Variants in CNTNAP2 observed in about 807,000 individuals in gnomAD.
The protein encoded by CNTNAP2 is contactin-associated protein-like 2.
In CNTNAP2, 98 loss-of-function variants were observed where a neutral mutation model predicts 155.2. The observed-to-expected ratio is 0.63, with a 90% confidence interval of 0.54 to 0.75. CNTNAP2 has a LOEUF of 0.75. Among genes scored for constraint, CNTNAP2 ranks in the 30% least tolerant of loss-of-function variants. CNTNAP2 has a pLI of 0.00. For missense variants in CNTNAP2, 1,727 were observed against 1,688.1 expected, an observed-to-expected ratio of 1.02 and a Z score of -0.40; for synonymous variants, 651 against 631.2, an observed-to-expected ratio of 1.03 and a Z score of -0.47.
At chr7:148,403,292 G>A (rs116007770) in intron 22 of CNTNAP2, among the ~76,000 whole-genome samples, 1,765 of 151,818 alleles carry the variant, frequency 0.012, 36 homozygotes, top group African/African-American at 0.04. Flanking sequence ...ATAGGAACAC[G>A]GATGACTACA....
chr7:147,693,125 A>G (rs988057159), intron 13 of CNTNAP2, among the ~76,000 whole-genome samples: 1 of 151,992 alleles, frequency 6.6e-6, no homozygotes. Context: ...TCTTTTCTTC[A>G]TTTTAGTTCC....
intron 3 of CNTNAP2, among the ~76,000 whole-genome samples, chr7:146,896,965 T>C (rs1044740822): frequency 6.6e-6 from 1 of 152,098 alleles, no homozygotes; most frequent in Non-Finnish European, 1.5e-5. Context: ...TAATATATAA[T>C]GTAAGGGCAA....
chr7:147,672,432 CTTTA>C (rs1254105130), intron 13 of CNTNAP2: 3 of 152,020 alleles, frequency 2.0e-5, no homozygotes, highest in East Asian at 3.9e-4. Flanking sequence ...AAATTCTAGC[CTTTA>C]TTTATCTATT....
chr7:146,570,468 T>C (rs1202997520), intron 1 of CNTNAP2, among the ~76,000 whole-genome samples: 2 of 152,192 alleles, frequency 1.3e-5, no homozygotes, highest in Non-Finnish European at 2.9e-5. Context: ...TCCAGAATTT[T>C]TTCCTGTACT....
chr7:147,645,069 T>C (rs998289108), intron 13 of CNTNAP2, among the ~76,000 whole-genome samples: 2 of 152,172 alleles, frequency 1.3e-5, no homozygotes, highest in Non-Finnish European at 2.9e-5. Flanking sequence ...AAATTATATA[T>C]ATTTTTGGAT....
At chr7:146,246,512 G>T (rs1089601) in intron 1 of CNTNAP2, among the ~76,000 whole-genome samples, 62,783 of 146,864 alleles carry the variant, frequency 0.43, 14,445 homozygotes, top group African/African-American at 0.61. Context: ...CCCTTGAAAA[G>T]AAGGTAATGT....
At chr7:148,003,693 G>A (rs1801932396) in intron 15 of CNTNAP2, among the ~76,000 whole-genome samples, 1 of 152,124 alleles carries the variant, frequency 6.6e-6, no homozygotes, top group Admixed American at 6.5e-5. Flanking sequence ...ATTTTGTATG[G>A]CTAACCACTC....
intron 1 of CNTNAP2, among the ~76,000 whole-genome samples, chr7:146,390,259 T>A (rs146500792): frequency 1.5e-3 from 225 of 152,218 alleles, no homozygotes; most frequent in African/African-American, 5.1e-3. Context: ...CTTTTAGTAA[T>A]TAAAAAAGTA....
chr7:146,126,792 G>T (rs1355376859), intron 1 of CNTNAP2, among the ~76,000 whole-genome samples: 3 of 152,124 alleles, frequency 2.0e-5, no homozygotes, highest in Admixed American at 6.5e-5. Context: ...TGCTTTCATG[G>T]CAGTGGGAAA....
intron 13 of CNTNAP2, among the ~76,000 whole-genome samples, chr7:147,650,669 A>G (rs1795435981): frequency 6.6e-6 from 1 of 152,082 alleles, no homozygotes; most frequent in Non-Finnish European, 1.5e-5. Context: ...TTGGCTGTTT[A>G]TGTTATCTGT....
chr7:146,826,536 T>A (rs1451790765), intron 2 of CNTNAP2, among the ~76,000 whole-genome samples: 1 of 152,074 alleles, frequency 6.6e-6, no homozygotes, highest in Non-Finnish European at 1.5e-5. Flanking sequence ...CAGAATACCC[T>A]GTCCACTCAC....
intron 8 of CNTNAP2, among the ~76,000 whole-genome samples, chr7:147,213,050 C>A (rs143562903): frequency 6.6e-6 from 1 of 152,254 alleles, no homozygotes; most frequent in African/African-American, 2.4e-5. Flanking sequence ...CACTCACACA[C>A]ATGCATGGTG....
intron 21 of CNTNAP2, among the ~76,000 whole-genome samples, chr7:148,316,731 A>G (rs1467335923): frequency 1.3e-5 from 2 of 152,214 alleles, no homozygotes; most frequent in Non-Finnish European, 2.9e-5. Context: ...AGGGCAGATA[A>G]ATAGAAAGAT....
chr7:148,248,713 G>T (rs1796317874), intron 20 of CNTNAP2, among the ~76,000 whole-genome samples: 1 of 152,086 alleles, frequency 6.6e-6, no homozygotes, highest in Admixed American at 6.5e-5. Flanking sequence ...AGGAACATTT[G>T]CATACACATG....
intron 1 of CNTNAP2, among the ~76,000 whole-genome samples, chr7:146,148,884 A>G (rs1348163672): frequency 6.6e-6 from 1 of 152,102 alleles, no homozygotes; most frequent in Admixed American, 6.6e-5. Flanking sequence ...TCTACAAATA[A>G]TCTTCACCCT....
intron 15 of CNTNAP2, among the ~76,000 whole-genome samples, chr7:148,083,430 A>T (rs1176626544): frequency 6.6e-6 from 1 of 152,168 alleles, no homozygotes; most frequent in East Asian, 1.9e-4. Context: ...GGAATGATGC[A>T]CATTCCGAGG....
At chr7:146,551,849 C>T (rs1162979146) in intron 1 of CNTNAP2, among the ~76,000 whole-genome samples, 1 of 152,068 alleles carries the variant, frequency 6.6e-6, no homozygotes, top group Non-Finnish European at 1.5e-5. Flanking sequence ...CCTTCTCCTT[C>T]CATTTCTCCC....
rs1425394576 is a variant in CNTNAP2, at chr7:146,118,811, T to C, written c.97+1838T>C. Among the ~76,000 whole-genome samples, 5 of 152,158 alleles carry C rather than the reference T, an allele frequency of 3.3e-5. No homozygotes were observed. The East Asian group carries it at 7.7e-4, about 23-fold the overall frequency. On this transcript the variant is annotated intron_variant, in intron 1 of 23. Transcript: ENST00000361727. ...TTACTTTTAAGATGGTTAATAGTTA[T>C]GGCCATTAAGATTTTTTATTAACTT...
intron 10 of CNTNAP2, among the ~76,000 whole-genome samples, chr7:147,455,073 G>A (rs10264424): frequency 0.12 from 18,786 of 152,022 alleles, 1,425 homozygotes; most frequent in East Asian, 0.32. Context: ...ATGCTTCCCC[G>A]TCTTCAACTT....
Sources: gnomAD v4.1 joint callset for allele counts (sites outside exome capture counted in the v4.1 genomes callset) on GRCh38, gnomAD v4.1.1 for gene constraint, MANE v1.5 for transcripts, NCBI Gene and HGNC (gene_info 2026-07-23, HGNC 2026-07-21) for gene names.